The following ASAP1 variants were observed in gnomAD, a reference collection of about 807,000 sequenced individuals.
ASAP1 encodes arf-GAP with SH3 domain, ANK repeat and PH domain-containing protein 1.
In ASAP1, 43 loss-of-function variants were observed where a neutral mutation model predicts 145.2. The ratio of observed to expected loss-of-function variants is 0.30; its 90% CI spans 0.23 to 0.38. The LOEUF is 0.38. Ranked by LOEUF, ASAP1 falls within the 10% of genes least tolerant of loss-of-function variation. The pLI, the probability that ASAP1 is intolerant of heterozygous loss-of-function variation, is 1.00. For missense variants in ASAP1, 1,018 were observed against 1,355.3 expected (o/e 0.75, Z 3.91); for synonymous variants, 546 against 515.5 (o/e 1.06, Z -0.80).
chr8:130,072,825 G>GTGTGTGTGCGCGCGCGCGCA, intron 27 of ASAP1, among the ~76,000 whole-genome samples: 1 of 54,114 alleles, frequency 1.8e-5, no homozygotes, highest in African/African-American at 9.1e-5. Flanking sequence ...GTGTGTGTGT[G>GTGTGTGTGCGCGCGCGCGCA]CGCGCGGGGG....
intron 3 of ASAP1, among the ~76,000 whole-genome samples, chr8:130,248,449 G>A (rs1818991015): frequency 6.6e-6 from 1 of 152,128 alleles, no homozygotes; most frequent in Non-Finnish European, 1.5e-5. Context: ...TCAGATGCCT[G>A]AAACAAGTGG....
At chr8:130,302,499 T>C (rs1256413983) in intron 3 of ASAP1, among the ~76,000 whole-genome samples, 1 of 152,180 alleles carries the variant, frequency 6.6e-6, no homozygotes, top group Non-Finnish European at 1.5e-5. Flanking sequence ...CTGTTCTTCA[T>C]GGCAAACAGG....
Position 130,358,652 on chromosome 8 carries a change from G to T in ASAP1, c.60-509C>A, listed in dbSNP as rs1433205106. Reference sequence around the variant, plus strand: ...GGGCGGCGCTCGCGCTGCAGTCACGGGGCCAAACAAGGAAGTGCTCTGCGC... The same window carrying T: ...GGGCGGCGCTCGCGCTGCAGTCACGTGGCCAAACAAGGAAGTGCTCTGCGC... On this transcript the variant is annotated intron_variant, in intron 2 of 29. Coordinates refer to ENST00000518721, the MANE Select transcript of ASAP1 (RefSeq NM_018482.4). The surrounding 1 kb of genome is among the most constrained non-coding windows in gnomAD (Gnocchi z 4.1). Among the ~76,000 whole-genome samples the T allele has an allele frequency of 6.8e-6, 1 of 146,900 alleles. No homozygotes were observed. Among genetic ancestry groups the T allele is most frequent in the Non-Finnish European group, 1.5e-5 (1 of 65,990 alleles).
intron 24 of ASAP1, among the ~76,000 whole-genome samples, chr8:130,105,695 G>C (rs560141198): frequency 6.8e-6 from 1 of 148,018 alleles, no homozygotes; most frequent in South Asian, 2.2e-4. Flanking sequence ...AGTGTAGAAC[G>C]GAGGAGCTGT....
intron 9 of ASAP1, among the ~76,000 whole-genome samples, chr8:130,169,733 T>C (rs570148435): frequency 6.6e-6 from 1 of 152,366 alleles, no homozygotes; most frequent in African/African-American, 2.4e-5. Context: ...AGTGATTTCA[T>C]GTACACAACT....
chr8:130,148,115 T>G (rs2097637089), intron 13 of ASAP1, among the ~76,000 whole-genome samples: 1 of 152,196 alleles, frequency 6.6e-6, no homozygotes, highest in African/African-American at 2.4e-5. Flanking sequence ...CTAAGACCCC[T>G]GACTAATTCA....
At chr8:130,265,809 C>G (rs998894589) in intron 3 of ASAP1, among the ~76,000 whole-genome samples, 7 of 151,986 alleles carry the variant, frequency 4.6e-5, no homozygotes, top group African/African-American at 1.7e-4. Context: ...CCTGGGAGGT[C>G]GAGGCTGAAG....
chr8:130,195,490 C>A (rs1815424243), intron 5 of ASAP1: 1 of 151,762 alleles, frequency 6.6e-6, no homozygotes, highest in African/African-American at 2.4e-5. Flanking sequence ...GAGCTATGAT[C>A]CTGCCACTGC....
intron 3 of ASAP1, among the ~76,000 whole-genome samples, chr8:130,332,347 A>G (rs1289849408): frequency 1.3e-5 from 2 of 152,216 alleles, no homozygotes; most frequent in Admixed American, 1.3e-4. Context: ...TTCACCCAGA[A>G]GCCCATCCAC....
chr8:130,284,105 TA>T (rs1821443869), intron 3 of ASAP1, among the ~76,000 whole-genome samples: 1 of 152,184 alleles, frequency 6.6e-6, no homozygotes, highest in Admixed American at 6.5e-5. Flanking sequence ...ACAGAGGTTC[TA>T]ATGGACAAAA....
chr8:130,223,690 T>A (rs1002181851), intron 4 of ASAP1, among the ~76,000 whole-genome samples: 3 of 152,062 alleles, frequency 2.0e-5, no homozygotes, highest in African/African-American at 7.2e-5. Flanking sequence ...TCATCTAGTA[T>A]CTGGTATACA....
chr8:130,229,714 G>A (rs563776553), intron 4 of ASAP1, among the ~76,000 whole-genome samples: 3 of 152,234 alleles, frequency 2.0e-5, no homozygotes, highest in African/African-American at 7.2e-5. Flanking sequence ...CTTTAACAGA[G>A]CAAATTTGTT....
At chr8:130,084,845 G>C (rs1367009191) in intron 25 of ASAP1, 2 of 152,176 alleles carry the variant, frequency 1.3e-5, no homozygotes, top group Non-Finnish European at 1.5e-5. Flanking sequence ...GCATGTCTCA[G>C]ACATTTCATC....
intron 3 of ASAP1, among the ~76,000 whole-genome samples, chr8:130,281,082 TG>T (rs1399919095): frequency 6.6e-6 from 1 of 152,142 alleles, no homozygotes; most frequent in East Asian, 1.9e-4. Context: ...CTGTGTTGTG[TG>T]GTAGAAGATA....
chr8:130,191,363 G>A (rs565108074), intron 5 of ASAP1, among the ~76,000 whole-genome samples: 1 of 152,196 alleles, frequency 6.6e-6, no homozygotes, highest in Non-Finnish European at 1.5e-5. Context: ...GGAAAGGTTT[G>A]TGGGTCCCCT....
intron 11 of ASAP1, among the ~76,000 whole-genome samples, chr8:130,166,951 T>G (rs1444842158): frequency 6.6e-6 from 1 of 152,222 alleles, no homozygotes; most frequent in African/African-American, 2.4e-5. Flanking sequence ...AGTTGTAGAA[T>G]GTACTATGTT....
chr8:130,100,849 TGC>T (rs2135492596), intron 24 of ASAP1, among the ~76,000 whole-genome samples: 1 of 152,350 alleles, frequency 6.6e-6, no homozygotes, highest in South Asian at 2.1e-4. Flanking sequence ...TGATATCGTC[TGC>T]TTTGTCTATT....
At chr8:130,180,566 G>A (rs1228963245) in intron 8 of ASAP1, among the ~76,000 whole-genome samples, 185 bp downstream of exon 8, 1 of 152,212 alleles carries the variant, frequency 6.6e-6, no homozygotes, top group Non-Finnish European at 1.5e-5. Flanking sequence ...CTCAAAATAT[G>A]AGACAACAGT....
chr8:130,262,729 G>C (rs535062052), intron 3 of ASAP1, among the ~76,000 whole-genome samples: 2 of 152,046 alleles, frequency 1.3e-5, no homozygotes, highest in Non-Finnish European at 2.9e-5. Flanking sequence ...AGCTCTAAGA[G>C]AGCAGACCTC....
Sources: gnomAD v4.1 joint callset for allele counts (sites outside exome capture counted in the v4.1 genomes callset) on GRCh38, gnomAD v4.1.1 for gene constraint, Gnocchi (gnomAD v3.1) non-coding constraint, MANE v1.5 for transcripts, NCBI Gene and HGNC (gene_info 2026-07-23, HGNC 2026-07-21) for gene names.